The following SGK3 variants were observed in gnomAD, a reference collection of about 807,000 sequenced individuals.
The protein encoded by SGK3 is serum/glucocorticoid regulated kinase family member 3.
A neutral mutation model predicts 68.5 loss-of-function variants in SGK3; 47 were observed. The ratio of observed to expected loss-of-function variants is 0.69; its 90% CI spans 0.54 to 0.87. The LOEUF is 0.87. SGK3 is among the 40% of genes least tolerant of loss of function. SGK3 has a pLI of 0.00. For synonymous variants in SGK3, 181 were observed against 189.1 expected, an observed-to-expected ratio of 0.96 and a Z score of 0.35; for missense variants, 479 against 575.5, an observed-to-expected ratio of 0.83 and a Z score of 1.72.
In SGK3 at chr8:66,822,373, C is replaced by G; in HGVS notation, c.331C>G (p.Pro111Ala). Residue 111 changes from proline to alanine, a missense_variant and splice_region_variant, in exon 6 of 17, where the codon CCA becomes GCA. Pro to Ala is a conservative substitution (Grantham distance 27, BLOSUM62 -1). Coordinates refer to ENST00000521198, the MANE Select transcript of SGK3 (RefSeq NM_001033578.3). Reference sequence around the variant, plus strand: ...AATAAAGTTAATTTTTGTTTTTAGTCCAGATGTCAGAGCATTCCTTCAAAT... The same window carrying G: ...AATAAAGTTAATTTTTGTTTTTAGTGCAGATGTCAGAGCATTCCTTCAAAT... Reference protein sequence around the residue: ...LVRYPELYNHPDVRAFLQMDS... With the variant: ...LVRYPELYNHADVRAFLQMDS... 3 of 1,601,302 alleles carry G rather than the reference C, an allele frequency of 1.9e-6. No homozygotes were observed. In the South Asian group the frequency reaches 3.4e-5, roughly 18 times the overall value.
rs76564607 is a variant in SGK3, at chr8:66,852,811, T to G, written c.1320+1891T>G. On this transcript the variant is annotated intron_variant, in intron 16 of 16. Transcript: ENST00000521198. Reference sequence around the variant, plus strand: ...ATTTCGGTCCCAAATTTCTAGAGTTTGTGGTAGGAAACTAAGACTCTTAAG... The same window carrying G: ...ATTTCGGTCCCAAATTTCTAGAGTTGGTGGTAGGAAACTAAGACTCTTAAG... 2.2e-4 allele frequency among the ~76,000 whole-genome samples: 33 copies of G among 152,324 alleles called. No individual in the cohort carries two copies. In the East Asian group the frequency reaches 3.7e-3, roughly 17 times the overall value.
intron 1 of SGK3, among the ~76,000 whole-genome samples, chr8:66,783,818 C>T (rs992648808): frequency 3.9e-5 from 6 of 152,114 alleles, no homozygotes; most frequent in African/African-American, 1.4e-4. Context: ...AAGCATAGTG[C>T]CTGGCCATTT....
chr8:66,824,065 A>G (rs951748596), intron 6 of SGK3, among the ~76,000 whole-genome samples: 4 of 152,144 alleles, frequency 2.6e-5, no homozygotes, highest in Non-Finnish European at 5.9e-5. Context: ...GAAAAAAGAC[A>G]TATTCCTTTT....
chr8:66,832,910 G>GTT (rs113467692), intron 8 of SGK3, among the ~76,000 whole-genome samples: 1 of 142,614 alleles, frequency 7.0e-6, no homozygotes, highest in East Asian at 2.0e-4. Flanking sequence ...TGTTTGTTTT[G>GTT]TTTTTTTTTT....
intron 1 of SGK3, among the ~76,000 whole-genome samples, chr8:66,732,537 A>AT (rs1805191372): frequency 6.6e-6 from 1 of 152,114 alleles, no homozygotes; most frequent in African/African-American, 2.4e-5. Flanking sequence ...TATAAAAATT[A>AT]TTTTGTATTT....
intron 1 of SGK3, chr8:66,778,163 C>T (rs538112744): frequency 3.5e-4 from 53 of 152,340 alleles, no homozygotes; most frequent in African/African-American, 1.2e-3. Flanking sequence ...GCACAGTCTA[C>T]TTTGAATTTG....
At chr8:66,723,129 A>ATTTTTT (rs1289411840) in intron 1 of SGK3, among the ~76,000 whole-genome samples, 16 of 40,608 alleles carry the variant, frequency 3.9e-4, no homozygotes, top group East Asian at 9.1e-4. Context: ...ATATATATAT[A>ATTTTTT]TATTTTTTTT....
chr8:66,728,050 T>A (rs1563597427), intron 1 of SGK3, among the ~76,000 whole-genome samples: 2 of 152,172 alleles, frequency 1.3e-5, no homozygotes, highest in African/African-American at 2.4e-5. Context: ...ATTCAGTGGT[T>A]TAGTCACAGA....
chr8:66,766,135 A>G (rs1806310074), intron 1 of SGK3, among the ~76,000 whole-genome samples: 3 of 152,058 alleles, frequency 2.0e-5, no homozygotes, highest in South Asian at 4.1e-4. Flanking sequence ...TTTTAAATTT[A>G]TTGATTTTAT....
intron 1 of SGK3, among the ~76,000 whole-genome samples, chr8:66,734,368 T>A (rs1486599786): frequency 6.6e-6 from 1 of 152,014 alleles, no homozygotes; most frequent in Non-Finnish European, 1.5e-5. Flanking sequence ...ATTTTATTTA[T>A]GTGGTATACC....
At chr8:66,741,271 C>T (rs1439113127) in intron 1 of SGK3, among the ~76,000 whole-genome samples, 1 of 152,044 alleles carries the variant, frequency 6.6e-6, no homozygotes, top group Non-Finnish European at 1.5e-5. Flanking sequence ...ATGTTGGGGC[C>T]AGGCACGGTG....
intron 6 of SGK3, among the ~76,000 whole-genome samples, chr8:66,826,338 C>T (rs1809055968): frequency 6.6e-6 from 1 of 152,150 alleles, no homozygotes; most frequent in African/African-American, 2.4e-5. Flanking sequence ...CATTCATTAA[C>T]AGAAGAAGTG....
At chr8:66,851,182 G>C (rs1052987110) in intron 16 of SGK3, among the ~76,000 whole-genome samples, 1 of 152,082 alleles carries the variant, frequency 6.6e-6, no homozygotes, top group African/African-American at 2.4e-5. Context: ...AGAAAAGAAT[G>C]AACTCAACAA....
chr8:66,728,793 A>T (rs1401666408), intron 1 of SGK3, among the ~76,000 whole-genome samples: 1 of 151,976 alleles, frequency 6.6e-6, no homozygotes, highest in African/African-American at 2.4e-5. Context: ...GGTGGTGTGT[A>T]CCTATAGTCC....
intron 13 of SGK3, among the ~76,000 whole-genome samples, chr8:66,843,018 C>T (rs1014328579): frequency 3.3e-5 from 5 of 152,160 alleles, no homozygotes; most frequent in Non-Finnish European, 7.3e-5. Flanking sequence ...CTGCAGTGAG[C>T]TGTGATTGTG....
chr8:66,793,892 C>T, intron 2 of SGK3, 60 bp downstream of exon 2: 1 of 1,549,282 alleles, frequency 6.5e-7, no homozygotes. Context: ...ATTTTCATTT[C>T]TGCTTTTCTT....
At chr8:66,735,573 GCC>G (rs1374690618) in intron 1 of SGK3, among the ~76,000 whole-genome samples, 2 of 152,110 alleles carry the variant, frequency 1.3e-5, no homozygotes, top group Non-Finnish European at 2.9e-5. Context: ...TTGCCCCTAA[GCC>G]TTTCTAGGAC....
chr8:66,817,554 T>C (rs1052220809), intron 5 of SGK3, among the ~76,000 whole-genome samples: 2 of 151,880 alleles, frequency 1.3e-5, no homozygotes, highest in Non-Finnish European at 2.9e-5. Flanking sequence ...GGTTTCCTCA[T>C]GTTAGCCAGG....
chr8:66,812,286 C>T (rs932730586), intron 4 of SGK3, among the ~76,000 whole-genome samples: 21 of 151,970 alleles, frequency 1.4e-4, no homozygotes, highest in African/African-American at 2.4e-4. Context: ...TGGCTGGGTG[C>T]GGTGGGTCAC....
Sources: allele counts gnomAD v4.1 joint callset (sites outside exome capture counted in the v4.1 genomes callset), GRCh38; gene constraint gnomAD v4.1.1; transcripts MANE v1.5; gene names NCBI Gene and HGNC (gene_info 2026-07-23, HGNC 2026-07-21).